Variants in UMAD1 observed in about 807,000 individuals in gnomAD.
UMAD1 encodes UBAP1-MVB12-associated (UMA)-domain containing protein 1.
Under a neutral mutation model 6.1 loss-of-function variants are expected in UMAD1, and 8 were observed. The ratio of observed to expected loss-of-function variants is 1.30; its 90% CI spans 0.76 to 2.35. The LOEUF (loss-of-function observed/expected upper bound fraction) is 2.35. Among genes scored for constraint, UMAD1 ranks in the 30% most tolerant of loss-of-function variants. The pLI is 0.00. For missense variants in UMAD1, 130 were observed against 78.4 expected, an observed-to-expected ratio of 1.66 and a Z score of -2.49; for synonymous variants, 56 against 31.4, an observed-to-expected ratio of 1.78 and a Z score of -2.61.
intron 3 of UMAD1, among the ~76,000 whole-genome samples, chr7:7,812,441 G>T (rs565339767): frequency 2.6e-5 from 4 of 152,298 alleles, no homozygotes; most frequent in African/African-American, 9.6e-5. Context: ...GTTTGTTAAA[G>T]TTATGTAACT....
chr7:7,673,187 A>G, intron 1 of UMAD1, 122 bp from the exon 2 acceptor site: 1 of 721,520 alleles, frequency 1.4e-6, no homozygotes, highest in Non-Finnish European at 2.4e-6. Context: ...ATGGTTTTAC[A>G]TGTGGCCATA....
intron 2 of UMAD1, among the ~76,000 whole-genome samples, chr7:7,688,145 G>C (rs529674318): frequency 1.3e-5 from 2 of 152,150 alleles, no homozygotes; most frequent in African/African-American, 4.8e-5. Flanking sequence ...TATTTTTGGG[G>C]GGAGAACATT....
intron 2 of UMAD1, among the ~76,000 whole-genome samples, chr7:7,747,146 A>C (rs1781588446): frequency 6.6e-6 from 1 of 152,226 alleles, no homozygotes; most frequent in Admixed American, 6.5e-5. Context: ...CCATTAGGCC[A>C]TGAAGACTTT....
At chr7:7,871,778 G>C (rs1784337187) in intron 3 of UMAD1, among the ~76,000 whole-genome samples, 2 of 151,398 alleles carry the variant, frequency 1.3e-5, no homozygotes, top group South Asian at 2.1e-4. Flanking sequence ...TTTTTTTACT[G>C]TACTAGATAT....
At chr7:7,710,838 T>C (rs1780740025) in intron 2 of UMAD1, among the ~76,000 whole-genome samples, 1 of 152,142 alleles carries the variant, frequency 6.6e-6, no homozygotes, top group Admixed American at 6.5e-5. Flanking sequence ...ATCTATATCA[T>C]GGAATAATAC....
At chr7:7,748,866 C>T (rs1353588148) in intron 2 of UMAD1, among the ~76,000 whole-genome samples, 1 of 152,080 alleles carries the variant, frequency 6.6e-6, no homozygotes, top group South Asian at 2.1e-4. Flanking sequence ...TTAGCTCTAT[C>T]AGCCAGGCAG....
At chr7:7,730,379 C>G (rs1056561195) in intron 2 of UMAD1, among the ~76,000 whole-genome samples, 1 of 152,178 alleles carries the variant, frequency 6.6e-6, no homozygotes, top group Non-Finnish European at 1.5e-5. Flanking sequence ...TGGAGAACCA[C>G]GTGCTAATGT....
At chr7:7,778,491 A>G (rs377380234) in intron 2 of UMAD1, among the ~76,000 whole-genome samples, 11 of 151,320 alleles carry the variant, frequency 7.3e-5, no homozygotes, top group African/African-American at 2.4e-4. Flanking sequence ...GGGTGCGATC[A>G]CAGCTCAATG....
chr7:7,824,242 C>T (rs1470252024), intron 3 of UMAD1, among the ~76,000 whole-genome samples: 2 of 152,038 alleles, frequency 1.3e-5, no homozygotes, highest in Non-Finnish European at 2.9e-5. Flanking sequence ...CCAAGTACCC[C>T]GGCTCACCTT....
Position 7,877,350 on chromosome 7 carries a change from C to G in UMAD1, c.226C>G (p.Leu76Val). 1.4e-6 allele frequency: 1 copy of G among 717,548 alleles called. No individual in the cohort carries two copies. The allele number at this position is 717,548 out of a possible 1,614,324, so 44.4% of individuals were successfully genotyped here. A position where few individuals can be genotyped will look rare whatever the true frequency, so the allele number is the denominator to read the frequency against. ...PEMENKAGQTLENSSLMAELL... is the reference protein window; with the variant it reads ...PEMENKAGQTVENSSLMAELL... ...GATGGAAAATAAGGCAGGCCAGACTCTGGAGAACAGCTCATTAATGGCCGA... is the reference window on the plus strand; with the variant it reads ...GATGGAAAATAAGGCAGGCCAGACTGTGGAGAACAGCTCATTAATGGCCGA... Residue 76 changes from leucine (L) to valine (V), a missense_variant, in exon 4 of 4, where the codon CTG becomes GTG. Physicochemically the swap from Leu to Val is conservative, Grantham distance 32. Coordinates refer to ENST00000682710, the MANE Select transcript of UMAD1 (RefSeq NM_001302348.2).
intron 3 of UMAD1, among the ~76,000 whole-genome samples, chr7:7,858,578 T>A (rs1420714871): frequency 2.0e-5 from 3 of 152,196 alleles, no homozygotes; most frequent in African/African-American, 7.2e-5. Flanking sequence ...CTAGAAACTT[T>A]GGTGAAATAC....
chr7:7,839,802 G>A (rs11982199), intron 3 of UMAD1, among the ~76,000 whole-genome samples: 74,264 of 151,906 alleles, frequency 0.49, 18,420 homozygotes, highest in East Asian at 0.57. Context: ...AGGTTGGTAG[G>A]TTTGTTTGTG....
At chr7:7,718,367 A>G (rs1780970216) in intron 2 of UMAD1, 1 of 152,234 alleles carries the variant, frequency 6.6e-6, no homozygotes, top group African/African-American at 2.4e-5. Context: ...TCTTACCACC[A>G]TATTCCCAGC....
chr7:7,796,244 C>CTTTTTTT lies in UMAD1; in HGVS notation c.83-5408_83-5402dup, dbSNP rs59221325. ...ACTTTGACCCATTTCTATTTTCTTT[C>CTTTTTTT]TTTTTTTTTTTTTTTTTTTTTTTTG... On this transcript the variant is annotated intron_variant, in intron 2 of 3. Coordinates refer to ENST00000682710, the MANE Select transcript of UMAD1 (RefSeq NM_001302348.2). Among the ~76,000 whole-genome samples, 535 of 63,886 alleles carry CTTTTTTT rather than the reference C, an allele frequency of 8.4e-3. 73 individuals carry two copies. The highest frequency in any genetic ancestry group is 0.036 in the African/African-American group (366 of 10,196). The allele number at this position is 63,886 out of a possible 152,430, so 41.9% of individuals were successfully genotyped here.
intron 2 of UMAD1, among the ~76,000 whole-genome samples, chr7:7,679,757 A>C (rs747113030): frequency 1.3e-5 from 2 of 148,488 alleles, no homozygotes; most frequent in Non-Finnish European, 3.0e-5. Flanking sequence ...AAGAGGCAAT[A>C]ACTCACTATG....
At position 7,877,639 on chromosome 7, in the gene UMAD1, C is replaced by T. The variant is rs1450083223; in HGVS notation, c.*101C>T. 3 of 634,936 alleles carry T rather than the reference C, an allele frequency of 4.7e-6. No homozygotes were observed. Among genetic ancestry groups the T allele is most frequent in the Non-Finnish European group, 8.6e-6 (3 of 349,854 alleles). 39.3% of individuals were successfully genotyped at this position (634,936 alleles called of 1,614,324 possible). A position where few individuals can be genotyped will look rare whatever the true frequency, so the allele number is the denominator to read the frequency against. The stretch of plus-strand genomic sequence containing the variant: ...CCGTTTCACTGTTTAAGGTCCTCAG[C>T]AAGGATCATAAAGCAAAGAAAATAG... On this transcript the variant is annotated 3_prime_UTR_variant, in exon 4 of 4. Transcript: ENST00000682710.
intron 2 of UMAD1, among the ~76,000 whole-genome samples, chr7:7,760,104 C>T (rs1157186545): frequency 6.6e-6 from 1 of 152,072 alleles, no homozygotes; most frequent in Non-Finnish European, 1.5e-5. Context: ...GAGCCCGGAG[C>T]CACCATTTAA....
chr7:7,751,285 T>C lies in UMAD1; in HGVS notation c.83-50385T>C, dbSNP rs527833964. On this transcript the variant is annotated intron_variant, in intron 2 of 3. Transcript: ENST00000682710. ...AATTTTAATGAATGTGTGGGGCAAA[T>C]AAAACTTTTAGAGTTGGTATGTTAA... Among the ~76,000 whole-genome samples the C allele has an allele frequency of 1.1e-4, 16 of 152,318 alleles. No individual in the cohort carries two copies. In the East Asian group the frequency reaches 2.9e-3, roughly 28 times the overall value.
chr7:7,727,049 G>T (rs1321930626), intron 2 of UMAD1, among the ~76,000 whole-genome samples: 1 of 152,084 alleles, frequency 6.6e-6, no homozygotes, highest in African/African-American at 2.4e-5. Context: ...GAAAGTTTGG[G>T]TCACTCCATC....
Sources: gnomAD v4.1 joint callset for allele counts (sites outside exome capture counted in the v4.1 genomes callset) on GRCh38, gnomAD v4.1.1 for gene constraint, MANE v1.5 for transcripts, NCBI Gene and HGNC (gene_info 2026-07-23, HGNC 2026-07-21) for gene names.